The following ZNF329 variants were observed in gnomAD, a reference collection of about 807,000 sequenced individuals.
The protein encoded by ZNF329 is zinc finger protein 329.
In ZNF329, 15 loss-of-function variants were observed where a neutral mutation model predicts 26.6. The ratio of observed to expected loss-of-function variants is 0.56; its 90% CI spans 0.38 to 0.87. The LOEUF is 0.87. Among genes scored for constraint, ZNF329 ranks in the 40% least tolerant of loss-of-function variants. The pLI, the probability that ZNF329 is intolerant of heterozygous loss-of-function variation, is 0.00. For missense variants in ZNF329, 651 were observed against 651.9 expected, an observed-to-expected ratio of 1.00 and a Z score of 0.02; for synonymous variants, 239 against 233.5, an observed-to-expected ratio of 1.02 and a Z score of -0.21.
intron 3 of ZNF329, among the ~76,000 whole-genome samples, chr19:58,131,955 A>G (rs973493413): frequency 6.6e-6 from 1 of 150,636 alleles, no homozygotes; most frequent in African/African-American, 2.4e-5. Context: ...CCCGGGAGGC[A>G]GAGCTTGCAG....
At chr19:58,145,128 C>T (rs889897787) in intron 1 of ZNF329, among the ~76,000 whole-genome samples, 35 of 150,792 alleles carry the variant, frequency 2.3e-4, no homozygotes, top group African/African-American at 8.0e-4. Context: ...GAATTACAGG[C>T]GTGAGCCACC....
chr19:58,141,521 C>G (rs1233754190), intron 3 of ZNF329, among the ~76,000 whole-genome samples: 1 of 152,070 alleles, frequency 6.6e-6, no homozygotes, highest in East Asian at 2.0e-4. Flanking sequence ...TCTTGAACTC[C>G]TGACCTAAGG....
At chr19:58,135,885 C>G (rs991701935) in intron 3 of ZNF329, among the ~76,000 whole-genome samples, 5 of 152,114 alleles carry the variant, frequency 3.3e-5, no homozygotes, top group African/African-American at 9.7e-5. Flanking sequence ...AAAATAAAAA[C>G]TTGTTTCTCA....
intron 1 of ZNF329, among the ~76,000 whole-genome samples, chr19:58,145,314 CTTT>C (rs71188087): frequency 9.4e-6 from 1 of 106,170 alleles, no homozygotes. Context: ...TTTTTTCTTC[CTTT>C]TTTTTTTTTT....
In ZNF329 at chr19:58,128,534, A is replaced by G; in HGVS notation, c.970T>C (p.Phe324Leu). The change falls in exon 4 of 4, where the codon TTC (phenylalanine) becomes CTC (leucine). Residue 324 changes from phenylalanine to leucine, a missense_variant. Transcript: ENST00000598312. ...ACTGTAAGGTGGGAGATGTCAGTGA[A>G]GGGTTTCCCACATTCGTTACATCTA... The part of the protein sequence containing the change: ...PYRCNECGKP[F>L]TDISHLTVHL... The G allele has an allele frequency of 6.2e-7, 1 of 1,614,160 alleles. No individual in the cohort carries two copies. Among genetic ancestry groups the G allele is most frequent in the African/African-American group, 1.3e-5 (1 of 75,036 alleles).
At chr19:58,131,762 G>T (rs369508599) in intron 3 of ZNF329, among the ~76,000 whole-genome samples, 4 of 152,250 alleles carry the variant, frequency 2.6e-5, no homozygotes, top group African/African-American at 9.6e-5. Flanking sequence ...AGTGGGTCAC[G>T]CCTGTAATCC....
chr19:58,137,294 C>G (rs1329360550), intron 3 of ZNF329, among the ~76,000 whole-genome samples: 1 of 152,118 alleles, frequency 6.6e-6, no homozygotes, highest in Non-Finnish European at 1.5e-5. Context: ...CGGCTCACAC[C>G]TATAATCCCA....
At position 58,127,346 on chromosome 19, in the gene ZNF329, G is replaced by A. The variant is rs1457078890; in HGVS notation, c.*532C>T. The stretch of plus-strand genomic sequence containing the variant: ...TGAAACCCTGTCTCTACTAAAAATA[G>A]AAAAAATTAGCCAGGCATGGTGGCA... On this transcript the variant is annotated 3_prime_UTR_variant, in exon 4 of 4. Coordinates refer to ENST00000598312, the MANE Select transcript of ZNF329 (RefSeq NM_024620.4). 2 of 152,116 alleles carry A rather than the reference G, an allele frequency of 1.3e-5. No individual in the cohort carries two copies. The highest frequency in any genetic ancestry group is 2.9e-5 in the Non-Finnish European group (2 of 68,074). 9.4% of individuals were successfully genotyped at this position (152,116 alleles called of 1,614,324 possible). A position where few individuals can be genotyped will look rare whatever the true frequency, so the allele number is the denominator to read the frequency against.
At chr19:58,136,533 G>A (rs2075070004) in intron 3 of ZNF329, among the ~76,000 whole-genome samples, 1 of 151,648 alleles carries the variant, frequency 6.6e-6, no homozygotes, top group Non-Finnish European at 1.5e-5. Flanking sequence ...AAGTTAGCTG[G>A]GTGTGGTGGT....
At position 58,127,977 on chromosome 19, in the gene ZNF329, A is replaced by T. The variant is rs746605310; in HGVS notation, c.1527T>A (p.Gly509=). 8 of 1,612,310 alleles carry T rather than the reference A, an allele frequency of 5.0e-6. No homozygotes were observed. In the African/African-American group the frequency reaches 6.7e-5, roughly 13 times the overall value. The change falls in exon 4 of 4, where the codon GGT becomes GGA. Residue 509 remains glycine (G), a synonymous_variant. Transcript: ENST00000598312. The part of the protein sequence containing the change: ...AVHQRLHSRE[G]PSRCPQCGKM... Reference sequence around the variant, plus strand: ...TTCCACACTGAGGACACCGGCTGGGACCCTCCCTGCTATGGAGTCTCTGAT... The same window carrying T: ...TTCCACACTGAGGACACCGGCTGGGTCCCTCCCTGCTATGGAGTCTCTGAT...
At chr19:58,151,994 C>G (rs913055403), upstream of ZNF329, among the ~76,000 whole-genome samples, 1 of 152,036 alleles carries the variant, frequency 6.6e-6, no homozygotes, top group Non-Finnish European at 1.5e-5. Flanking sequence ...CCGAACCTCT[C>G]CGCAGGTTGA....
At chr19:58,150,096 T>C (rs1305051418) in intron 1 of ZNF329, among the ~76,000 whole-genome samples, 1 of 152,120 alleles carries the variant, frequency 6.6e-6, no homozygotes, top group Non-Finnish European at 1.5e-5. Flanking sequence ...TGTCATAAAA[T>C]ATTGAGACTG....
rs893205438 is a variant in ZNF329 at position 58,130,866 on chromosome 19, G to A, written c.-8-1355C>T. ...ATTCGTTCATTCATTTGGTGGGATCGGGTCTCGCTCTGTCATTCAGGCTGA... is the reference window on the plus strand; with the variant it reads ...ATTCGTTCATTCATTTGGTGGGATCAGGTCTCGCTCTGTCATTCAGGCTGA... On this transcript the variant is annotated intron_variant, in intron 3 of 3. Coordinates refer to ENST00000598312, the MANE Select transcript of ZNF329 (RefSeq NM_024620.4). Among the ~76,000 whole-genome samples the A allele has an allele frequency of 3.3e-5, 5 of 152,074 alleles. No homozygotes were observed. In the East Asian group the frequency reaches 5.8e-4, roughly 18 times the overall value.
chr19:58,154,539 G>A (rs2073491467), upstream of ZNF329, among the ~76,000 whole-genome samples: 1 of 152,212 alleles, frequency 6.6e-6, no homozygotes, highest in African/African-American at 2.4e-5. Context: ...CCCCAGTGGA[G>A]CCACACGGTC....
intron 1 of ZNF329, among the ~76,000 whole-genome samples, chr19:58,146,008 A>G (rs2075301098): frequency 6.6e-6 from 1 of 152,162 alleles, no homozygotes; most frequent in South Asian, 2.1e-4. Flanking sequence ...ATGAAAAAAA[A>G]AAAAAAAGAA....
At chr19:58,130,534 C>T (rs1600050991) in intron 3 of ZNF329, among the ~76,000 whole-genome samples, 2 of 151,804 alleles carry the variant, frequency 1.3e-5, no homozygotes, top group Admixed American at 6.6e-5. Flanking sequence ...ATTAGCCAGG[C>T]GTGGTGGCGG....
chr19:58,138,791 G>A (rs2075124630), intron 3 of ZNF329, among the ~76,000 whole-genome samples: 1 of 152,108 alleles, frequency 6.6e-6, no homozygotes, highest in Non-Finnish European at 1.5e-5. Context: ...GAGGCCAGGA[G>A]TTTGAGAACA....
intron 1 of ZNF329, among the ~76,000 whole-genome samples, chr19:58,144,175 TTTTA>T (rs2075248380): frequency 6.6e-6 from 1 of 151,842 alleles, no homozygotes; most frequent in African/African-American, 2.4e-5. Flanking sequence ...TGTTGTTATT[TTTTA>T]TTTTTTTATT....
chr19:58,152,220 T>G (rs2075467762), upstream of ZNF329, among the ~76,000 whole-genome samples: 1 of 152,158 alleles, frequency 6.6e-6, no homozygotes, highest in Non-Finnish European at 1.5e-5. Context: ...GAAAGTATTT[T>G]TTTAATTTCT....
Sources: gnomAD v4.1 joint callset for allele counts (sites outside exome capture counted in the v4.1 genomes callset) on GRCh38, gnomAD v4.1.1 for gene constraint, MANE v1.5 for transcripts, NCBI Gene and HGNC (gene_info 2026-07-23, HGNC 2026-07-21) for gene names.